RSRC1: variants seen among roughly 807,000 people sequenced by gnomAD.
The protein encoded by RSRC1 is arginine and serine rich coiled-coil 1.
A neutral mutation model predicts 49.1 loss-of-function variants in RSRC1; 39 were observed. The observed-to-expected ratio is 0.79, with a 90% confidence interval of 0.61 to 1.04. RSRC1 has a LOEUF of 1.04. Among genes scored for constraint, RSRC1 ranks in the 50% least tolerant of loss-of-function variants. The pLI, the probability that RSRC1 is intolerant of heterozygous loss-of-function variation, is 0.00. For synonymous variants in RSRC1, 143 were observed against 130.8 expected, an observed-to-expected ratio of 1.09 and a Z score of -0.63; for missense variants, 388 against 402.4, an observed-to-expected ratio of 0.96 and a Z score of 0.31.
chr3:158,399,854 T>C (rs1189454336), intron 6 of RSRC1, among the ~76,000 whole-genome samples: 2 of 152,196 alleles, frequency 1.3e-5, no homozygotes, highest in Non-Finnish European at 2.9e-5. Flanking sequence ...TTTTACTCTA[T>C]ACATTTCTTT....
chr3:158,433,954 C>T (rs557753880), intron 6 of RSRC1, among the ~76,000 whole-genome samples: 8 of 151,916 alleles, frequency 5.3e-5, no homozygotes, highest in Admixed American at 6.6e-5. Flanking sequence ...ATAAAGTTAT[C>T]TCTTGGCAGA....
At chr3:158,502,883 T>G (rs765946388) in intron 7 of RSRC1, among the ~76,000 whole-genome samples, 8 of 152,208 alleles carry the variant, frequency 5.3e-5, no homozygotes, top group Non-Finnish European at 1.0e-4. Context: ...CAGGGATTTC[T>G]TTTTGGTTTG....
chr3:158,205,214 C>T (rs1296526423), intron 4 of RSRC1, among the ~76,000 whole-genome samples: 2 of 152,004 alleles, frequency 1.3e-5, no homozygotes, highest in African/African-American at 2.4e-5. Context: ...TTTAGTGGGC[C>T]GTAGTAGAGG....
intron 3 of RSRC1, among the ~76,000 whole-genome samples, chr3:158,195,832 G>C (rs991477650): frequency 3.7e-4 from 57 of 152,058 alleles, no homozygotes; most frequent in East Asian, 7.7e-4. Context: ...ATTTCTGAGG[G>C]CTCTGTTCTG....
intron 3 of RSRC1, among the ~76,000 whole-genome samples, chr3:158,141,565 A>G (rs1716750992): frequency 6.6e-6 from 1 of 152,220 alleles, no homozygotes; most frequent in Non-Finnish European, 1.5e-5. Flanking sequence ...GGTCCTTCCC[A>G]GTAACTAACT....
intron 3 of RSRC1, among the ~76,000 whole-genome samples, chr3:158,196,195 C>G (rs965699586): frequency 6.6e-6 from 1 of 151,862 alleles, no homozygotes; most frequent in Non-Finnish European, 1.5e-5. Flanking sequence ...GTTTGTAGTT[C>G]TCCTTGAAGA....
intron 3 of RSRC1, among the ~76,000 whole-genome samples, chr3:158,168,252 C>T (rs773241232): frequency 3.3e-5 from 5 of 152,160 alleles, no homozygotes; most frequent in Non-Finnish European, 7.3e-5. Context: ...TGCCCTTGAT[C>T]ATTTAGCTTC....
rs112352800 is a variant in RSRC1 at position 158,348,066 on chromosome 3, C to T, written c.532-6791C>T. Among the ~76,000 whole-genome samples the T allele has an allele frequency of 6.6e-3, 1,003 of 152,144 alleles. 11 individuals are homozygous for T. Among genetic ancestry groups the T allele is most frequent in the African/African-American group, 0.023 (973 of 41,502 alleles). On this transcript the variant is annotated intron_variant, in intron 5 of 9. Coordinates refer to ENST00000611884, the MANE Select transcript of RSRC1 (RefSeq NM_001271838.2). ...TTTCTTTGTTACCCTATCTTAATTTCGATTTTTTGAAACATTGCACATCTA... is the reference window on the plus strand; with the variant it reads ...TTTCTTTGTTACCCTATCTTAATTTTGATTTTTTGAAACATTGCACATCTA...
At chr3:158,352,916 CTT>C (rs1301592023) in intron 5 of RSRC1, among the ~76,000 whole-genome samples, 1 of 152,162 alleles carries the variant, frequency 6.6e-6, no homozygotes, top group East Asian at 1.9e-4. Context: ...CAGTTTATGA[CTT>C]TTATATTCAG....
At chr3:158,444,108 G>A (rs1736542397) in intron 6 of RSRC1, among the ~76,000 whole-genome samples, 1 of 151,994 alleles carries the variant, frequency 6.6e-6, no homozygotes, top group South Asian at 2.1e-4. Context: ...AAAGCTTAAA[G>A]TATTGTCAGA....
At chr3:158,199,691 A>T (rs1720914134) in intron 3 of RSRC1, among the ~76,000 whole-genome samples, 1 of 152,192 alleles carries the variant, frequency 6.6e-6, no homozygotes, top group Non-Finnish European at 1.5e-5. Context: ...TGCATCCCAC[A>T]AATTCTCATA....
chr3:158,162,027 C>T (rs527407282), intron 3 of RSRC1, among the ~76,000 whole-genome samples: 5 of 152,082 alleles, frequency 3.3e-5, no homozygotes, highest in Non-Finnish European at 5.9e-5. Context: ...TGTTTAGCTA[C>T]GTGGTAGGGA....
intron 6 of RSRC1, among the ~76,000 whole-genome samples, chr3:158,356,550 ATT>A (rs147692229): frequency 0.092 from 14,018 of 151,928 alleles, 2,170 homozygotes; most frequent in African/African-American, 0.32. Context: ...TTTTTATCTT[ATT>A]TATCTTTATG....
intron 6 of RSRC1, among the ~76,000 whole-genome samples, chr3:158,391,579 G>A (rs1733296083): frequency 6.6e-6 from 1 of 152,062 alleles, no homozygotes; most frequent in Admixed American, 6.6e-5. Flanking sequence ...TTTGCTAGTT[G>A]GAAATAAGCA....
chr3:158,320,784 T>A lies in RSRC1; in HGVS notation c.531+22709T>A, dbSNP rs551203204. ...ATAGCCCAGAGAATGTTCTCCTTAT[T>A]CTAGCCCTTCCCGTCACCCAGATCT... On this transcript the variant is annotated intron_variant, in intron 5 of 9. Coordinates refer to ENST00000611884, the MANE Select transcript of RSRC1 (RefSeq NM_001271838.2). Among the ~76,000 whole-genome samples the A allele has an allele frequency of 4.6e-5, 7 of 152,302 alleles. No individual in the cohort carries two copies. In the East Asian group the frequency reaches 1.3e-3, roughly 29 times the overall value.
At chr3:158,227,208 A>G (rs1722578008) in intron 4 of RSRC1, among the ~76,000 whole-genome samples, 1 of 151,842 alleles carries the variant, frequency 6.6e-6, no homozygotes, top group African/African-American at 2.4e-5. Context: ...ATATAAACAC[A>G]CTGTGTGTTA....
chr3:158,161,906 G>C (rs1718248088), intron 3 of RSRC1, among the ~76,000 whole-genome samples: 3 of 152,126 alleles, frequency 2.0e-5, no homozygotes, highest in Non-Finnish European at 2.9e-5. Context: ...TATCAAAAGT[G>C]GTTTAAGAAA....
At chr3:158,235,440 T>C (rs1723188056) in intron 4 of RSRC1, among the ~76,000 whole-genome samples, 1 of 152,170 alleles carries the variant, frequency 6.6e-6, no homozygotes, top group Non-Finnish European at 1.5e-5. Context: ...TAGTTATATG[T>C]GTTACTAGGA....
chr3:158,225,044 C>T, intron 4 of RSRC1, among the ~76,000 whole-genome samples: 1 of 151,794 alleles, frequency 6.6e-6, no homozygotes, highest in East Asian at 1.9e-4. Flanking sequence ...TTTTCATCTT[C>T]CTTTTAGAAA....
Sources: gnomAD v4.1 joint callset for allele counts (sites outside exome capture counted in the v4.1 genomes callset) on GRCh38, gnomAD v4.1.1 for gene constraint, MANE v1.5 for transcripts, NCBI Gene and HGNC (gene_info 2026-07-23, HGNC 2026-07-21) for gene names.